Variants in ZNRF3 observed in about 807,000 individuals in gnomAD.
The protein encoded by ZNRF3 is zinc and ring finger 3.
ZNRF3 carries 23 observed loss-of-function variants against 72.5 expected under a neutral mutation model. That is an observed-to-expected ratio of 0.32 (90% CI 0.23 to 0.45). ZNRF3 has a LOEUF of 0.45. Among genes scored for constraint, ZNRF3 ranks in the 20% least tolerant of loss-of-function variants. ZNRF3 has a pLI of 1.00. For missense variants in ZNRF3, 1,169 were observed against 1,272.1 expected, an observed-to-expected ratio of 0.92 and a Z score of 1.23; for synonymous variants, 610 against 545.3, an observed-to-expected ratio of 1.12 and a Z score of -1.65.
intron 2 of ZNRF3, among the ~76,000 whole-genome samples, chr22:28,999,163 C>CAAAAAAA (rs10601140): frequency 3.2e-5 from 2 of 63,448 alleles, no homozygotes; most frequent in East Asian, 6.3e-4. Context: ...AATAAAAATA[C>CAAAAAAA]AAAAAAAAAA....
chr22:28,953,610 G>A (rs1162693914), intron 1 of ZNRF3, among the ~76,000 whole-genome samples: 2 of 152,140 alleles, frequency 1.3e-5, no homozygotes, highest in Non-Finnish European at 2.9e-5. Flanking sequence ...CAAGTTTCAG[G>A]GCTTCAACTG....
At chr22:28,924,073 C>G (rs916251590) in intron 1 of ZNRF3, among the ~76,000 whole-genome samples, 2 of 152,224 alleles carry the variant, frequency 1.3e-5, no homozygotes, top group African/African-American at 2.4e-5. Flanking sequence ...CGGATTGATG[C>G]CCAGAATGAG....
chr22:28,944,611 C>T (rs552547354), intron 1 of ZNRF3, among the ~76,000 whole-genome samples: 35 of 152,136 alleles, frequency 2.3e-4, no homozygotes, highest in African/African-American at 3.4e-4. Flanking sequence ...AAAAATTAGC[C>T]GGGCGTGGTG....
intron 1 of ZNRF3, among the ~76,000 whole-genome samples, chr22:28,950,273 C>T (rs1220859847): frequency 6.6e-6 from 1 of 152,184 alleles, no homozygotes; most frequent in Non-Finnish European, 1.5e-5. Context: ...ACCCACCGCC[C>T]CCTGCCCTGG....
intron 2 of ZNRF3, among the ~76,000 whole-genome samples, chr22:29,011,358 C>T (rs954426450): frequency 2.0e-5 from 3 of 152,108 alleles, no homozygotes; most frequent in African/African-American, 7.2e-5. Flanking sequence ...TGCTCCTGTC[C>T]GTCTCCGTGG....
rs150834252 is a variant in ZNRF3, at chr22:28,953,585, A to G, written c.301-33491A>G. 8.6e-3 allele frequency among the ~76,000 whole-genome samples: 1,310 copies of G among 152,316 alleles called. 22 individuals are homozygous for G. Among genetic ancestry groups the G allele is most frequent in the African/African-American group, 0.03 (1,263 of 41,554 alleles). The stretch of plus-strand genomic sequence containing the variant: ...AAGAACATGAAAGGGACTTTAGTTA[A>G]ACATTAGAACCTTTCAAGTTTCAGG... On this transcript the variant is annotated intron_variant, in intron 1 of 8. Transcript: ENST00000544604.
At chr22:28,922,722 T>G (rs1185458919) in intron 1 of ZNRF3, among the ~76,000 whole-genome samples, 1 of 152,214 alleles carries the variant, frequency 6.6e-6, no homozygotes, top group East Asian at 1.9e-4. Flanking sequence ...TGAACACACC[T>G]AGCAGTCCTG....
rs542597632 is a variant in ZNRF3 at position 29,008,048 on chromosome 22, G to A, written c.426+20847G>A. On this transcript the variant is annotated intron_variant, in intron 2 of 8. Transcript: ENST00000544604. Reference sequence around the variant, plus strand: ...TGGGATTACAGGCATGAGCCACGGCGCCCGGCTCAGAAATTCTATTTCTTT... The same window carrying A: ...TGGGATTACAGGCATGAGCCACGGCACCCGGCTCAGAAATTCTATTTCTTT... Among the ~76,000 whole-genome samples the A allele has an allele frequency of 1.1e-4, 17 of 152,164 alleles. No homozygotes were observed. The East Asian group carries it at 1.7e-3, about 16-fold the overall frequency.
intron 2 of ZNRF3, among the ~76,000 whole-genome samples, chr22:29,009,229 T>C (rs1423432942): frequency 5.3e-5 from 8 of 152,044 alleles, no homozygotes. Flanking sequence ...TGGCTGGGTT[T>C]GGGGGAGGGA....
chr22:28,918,768 C>G (rs750801769), intron 1 of ZNRF3, among the ~76,000 whole-genome samples: 1 of 152,132 alleles, frequency 6.6e-6, no homozygotes, highest in Non-Finnish European at 1.5e-5. Context: ...CAGCCCTGTT[C>G]TTGCTCCCTA....
intron 1 of ZNRF3, among the ~76,000 whole-genome samples, chr22:28,982,092 C>T (rs1181094455): frequency 6.6e-6 from 1 of 152,094 alleles, no homozygotes; most frequent in African/African-American, 2.4e-5. Context: ...ATGCGTGTTT[C>T]TTCTTCTTTA....
intron 1 of ZNRF3, among the ~76,000 whole-genome samples, chr22:28,913,623 GTCT>G (rs1354626459): frequency 5.3e-5 from 8 of 152,104 alleles, no homozygotes; most frequent in African/African-American, 1.9e-4. Flanking sequence ...TAGATTTGTG[GTCT>G]TCTCTATAAT....
intron 1 of ZNRF3, 156 bp from the exon 2 acceptor site, chr22:28,986,920 T>C (rs1199566285): frequency 4.1e-6 from 4 of 980,984 alleles, no homozygotes; most frequent in Non-Finnish European, 5.8e-6. Flanking sequence ...CTCATTGTGC[T>C]GAAATAAAAT....
At chr22:29,012,308 A>T (rs940175755) in intron 2 of ZNRF3, among the ~76,000 whole-genome samples, 4 of 152,196 alleles carry the variant, frequency 2.6e-5, no homozygotes, top group African/African-American at 4.8e-5. Flanking sequence ...ATTGGATCTA[A>T]ACAGTGAAGC....
chr22:29,022,265 A>G (rs537610795), intron 2 of ZNRF3, among the ~76,000 whole-genome samples: 2 of 152,278 alleles, frequency 1.3e-5, no homozygotes, highest in South Asian at 4.1e-4. Context: ...GAAGTTACCT[A>G]CGAATTGTAC....
Position 28,944,780 on chromosome 22 carries a change from C to T in ZNRF3, c.301-42296C>T, listed in dbSNP as rs569135922. ...AAAAAAAAAAAAAAAAAAAGATTAG[C>T]GGGGGTATGGTGGCACACACCTGTA... On this transcript the variant is annotated intron_variant, in intron 1 of 8. Transcript: ENST00000544604. 3.0e-3 allele frequency among the ~76,000 whole-genome samples: 429 copies of T among 141,102 alleles called. 3 individuals are homozygous for T. Among genetic ancestry groups the T allele is most frequent in the African/African-American group, 0.01 (397 of 38,034 alleles). The allele number at this position is 141,102 out of a possible 152,430, so 92.6% of individuals were successfully genotyped here. A position where few individuals can be genotyped will look rare whatever the true frequency, so the allele number is the denominator to read the frequency against.
At position 29,049,410 on chromosome 22, in the gene ZNRF3, C is replaced by T. The variant is rs779789745; in HGVS notation, c.1229C>T (p.Pro410Leu). 3 of 1,608,898 alleles carry T rather than the reference C, an allele frequency of 1.9e-6. No individual in the cohort carries two copies. Among genetic ancestry groups the T allele is most frequent in the South Asian group, 2.2e-5 (2 of 90,906 alleles). ...DRHGEQSLYS[P>L]QTPAYIRSYP... The stretch of plus-strand genomic sequence containing the variant: ...CACGGGGAGCAGAGCCTCTATTCCC[C>T]GCAGACCCCCGCCTACATCCGCAGC... Residue 410 changes from proline (P) to leucine (L), a missense_variant, in exon 8 of 9, where the codon CCG (proline) becomes CTG (leucine). Pro to Leu is a moderately conservative substitution (Grantham distance 98, BLOSUM62 -3). Coordinates refer to ENST00000544604, the MANE Select transcript of ZNRF3 (RefSeq NM_001206998.2). This position sits in a 1 kb window ranked among gnomAD's most constrained non-coding sequence, Gnocchi z 5.2.
Position 29,048,457 on chromosome 22 carries a change from C to T in ZNRF3, c.981C>T (p.His327=), listed in dbSNP as rs55775472. ...GCGTGGACCCCTGGCTGCTGCAGCA[C>T]CACACCTGCCCCCACTGTCGGCACA... ...RKCVDPWLLQ[H]HTCPHCRHNI... is the part of the protein sequence containing the mutation. The change falls in exon 7 of 9, where the codon CAC becomes CAT. Residue 327 remains histidine, a synonymous_variant. Transcript: ENST00000544604. The surrounding 1 kb of genome is among the most constrained non-coding windows in gnomAD (Gnocchi z 4.9). 28 of 1,614,182 alleles carry T rather than the reference C, an allele frequency of 1.7e-5. No individual in the cohort carries two copies. Among genetic ancestry groups the T allele is most frequent in the Non-Finnish European group, 2.2e-5 (26 of 1,180,012 alleles).
chr22:28,933,756 TCTC>T (rs2034766013), intron 1 of ZNRF3, among the ~76,000 whole-genome samples: 4 of 55,590 alleles, frequency 7.2e-5, no homozygotes, highest in Non-Finnish European at 1.4e-4. Flanking sequence ...ACACTCACTC[TCTC>T]TCTCTCTCTC....
Sources: gnomAD v4.1 joint callset for allele counts (sites outside exome capture counted in the v4.1 genomes callset) on GRCh38, gnomAD v4.1.1 for gene constraint, Gnocchi (gnomAD v3.1) non-coding constraint, MANE v1.5 for transcripts, NCBI Gene and HGNC (gene_info 2026-07-23, HGNC 2026-07-21) for gene names.